The following BACH2 variants were observed in gnomAD, a reference collection of about 807,000 sequenced individuals.
The protein encoded by BACH2 is transcription regulator protein BACH2.
A neutral mutation model predicts 61.8 loss-of-function variants in BACH2; 5 were observed. That is an observed-to-expected ratio of 0.08 (90% CI 0.04 to 0.17). The LOEUF is 0.17. BACH2 is among the 10% of genes least tolerant of loss of function. The probability of loss-of-function intolerance (pLI) is 1.00; values close to 1 mark genes in which losing one functional copy is unlikely to be tolerated. For missense variants in BACH2, 824 were observed against 1,091.1 expected (o/e 0.76, Z 3.45); for synonymous variants, 446 against 440.1 (o/e 1.01, Z -0.17).
chr6:90,183,403 T>C (rs1319487889), intron 4 of BACH2, among the ~76,000 whole-genome samples: 1 of 152,244 alleles, frequency 6.6e-6, no homozygotes, highest in African/African-American at 2.4e-5. Context: ...TGTAGGTTCC[T>C]GCTGTGAGAA....
intron 4 of BACH2, among the ~76,000 whole-genome samples, chr6:90,139,063 C>T (rs897812835): frequency 1.3e-5 from 2 of 152,018 alleles, no homozygotes; most frequent in Non-Finnish European, 2.9e-5. Flanking sequence ...ACAGGATATG[C>T]CTACTTGACT....
chr6:90,186,499 C>T (rs1429891350), intron 4 of BACH2, among the ~76,000 whole-genome samples: 2 of 152,112 alleles, frequency 1.3e-5, no homozygotes, highest in Non-Finnish European at 2.9e-5. Flanking sequence ...TTACAAATGA[C>T]TGTCAGTGTG....
At chr6:90,228,682 T>G (rs1391469902) in intron 3 of BACH2, among the ~76,000 whole-genome samples, 2 of 152,110 alleles carry the variant, frequency 1.3e-5, no homozygotes, top group African/African-American at 4.8e-5. Context: ...GAGGGGGCAG[T>G]GAGCCGAGAT....
At chr6:89,952,358 G>A (rs1774178783) in intron 6 of BACH2, among the ~76,000 whole-genome samples, 1 of 152,062 alleles carries the variant, frequency 6.6e-6, no homozygotes, top group Non-Finnish European at 1.5e-5. Context: ...TGTAAAAATA[G>A]GTTTTCCTCA....
At chr6:89,970,046 A>C (rs1434784021) in intron 6 of BACH2, among the ~76,000 whole-genome samples, 1 of 152,234 alleles carries the variant, frequency 6.6e-6, no homozygotes, top group Admixed American at 6.5e-5. Context: ...GTTAGCAAAG[A>C]AGGCATTTCA....
Position 89,951,487 on chromosome 6 carries a change from G to A in BACH2, c.619C>T (p.Leu207=), listed in dbSNP as rs1254553104. 3 of 1,614,230 alleles carry A rather than the reference G, an allele frequency of 1.9e-6. No homozygotes were observed. Among genetic ancestry groups the A allele is most frequent in the Non-Finnish European group, 1.7e-6 (2 of 1,180,036 alleles). The change falls in exon 7 of 9, where the codon CTG becomes TTG. Residue 207 remains leucine (L), a synonymous_variant. Coordinates refer to ENST00000257749, the MANE Select transcript of BACH2 (RefSeq NM_021813.4). This position sits in a 1 kb window ranked among gnomAD's most constrained non-coding sequence, Gnocchi z 6.4. ...IPVAEKEEAL[L]PEPDVPTDTK... ...TCTGTGGGCACGTCAGGCTCGGGCA[G>A]CAGGGCTTCTTCCTTCTCTGCTACG...
intron 6 of BACH2, among the ~76,000 whole-genome samples, chr6:89,984,164 G>A (rs756273265): frequency 6.6e-6 from 1 of 152,086 alleles, no homozygotes; most frequent in Non-Finnish European, 1.5e-5. Flanking sequence ...AACAGAAAGC[G>A]GGGTTATTAA....
chr6:90,127,550 C>A (rs571068810), intron 4 of BACH2, among the ~76,000 whole-genome samples: 2 of 152,298 alleles, frequency 1.3e-5, no homozygotes, highest in African/African-American at 4.8e-5. Flanking sequence ...AAAACAATAA[C>A]CCTGCACTTA....
intron 4 of BACH2, among the ~76,000 whole-genome samples, chr6:90,193,300 AAG>A (rs1359076907): frequency 6.6e-6 from 1 of 152,218 alleles, no homozygotes; most frequent in Non-Finnish European, 1.5e-5. Context: ...GTCATACTGG[AAG>A]AGAGTGTGCC....
chr6:89,956,045 A>C (rs1774408184), intron 6 of BACH2, among the ~76,000 whole-genome samples: 1 of 152,344 alleles, frequency 6.6e-6, no homozygotes, highest in African/African-American at 2.4e-5. Context: ...AAGCAGACCC[A>C]TCTAGACTAA....
chr6:90,032,971 T>C (rs1474636279), intron 5 of BACH2, among the ~76,000 whole-genome samples: 1 of 152,078 alleles, frequency 6.6e-6, no homozygotes, highest in Non-Finnish European at 1.5e-5. Context: ...TGTCCAACAA[T>C]GATAGACTGG....
chr6:90,050,640 T>G lies in BACH2; in HGVS notation c.-13+38321A>C, dbSNP rs372598704. Among the ~76,000 whole-genome samples, 8 of 152,310 alleles carry G rather than the reference T, an allele frequency of 5.3e-5. No individual in the cohort carries two copies. In the East Asian group the frequency reaches 1.3e-3, roughly 26 times the overall value. ...TTTTTTCATAAAGATATGTTATTCA[T>G]GTTAACATGTAGTGAGCTTATTACT... On this transcript the variant is annotated intron_variant, in intron 5 of 8. Coordinates refer to ENST00000257749, the MANE Select transcript of BACH2 (RefSeq NM_021813.4).
chr6:89,934,047 C>T (rs1242959117), intron 8 of BACH2, among the ~76,000 whole-genome samples: 3 of 152,056 alleles, frequency 2.0e-5, no homozygotes, highest in African/African-American at 4.8e-5. Context: ...AATTTCCTGT[C>T]GTTGCCTAAC....
At chr6:89,997,880 A>G (rs147717816) in intron 6 of BACH2, among the ~76,000 whole-genome samples, 1 of 152,216 alleles carries the variant, frequency 6.6e-6, no homozygotes, top group African/African-American at 2.4e-5. Context: ...TGTTAATGCC[A>G]CCTCCAGGAA....
intron 5 of BACH2, among the ~76,000 whole-genome samples, chr6:90,011,974 G>GTGTGTGTGTA (rs1422867546): frequency 1.3e-3 from 191 of 147,850 alleles, no homozygotes; most frequent in African/African-American, 4.7e-3. Context: ...GTGTGTGTGT[G>GTGTGTGTGTA]TATGAGTGAT....
intron 2 of BACH2, among the ~76,000 whole-genome samples, chr6:90,270,924 ATACT>A (rs142387396): frequency 0.021 from 3,157 of 152,268 alleles, 115 homozygotes; most frequent in African/African-American, 0.071. Flanking sequence ...ATAAAGCCAA[ATACT>A]TACAGCCAAC....
intron 6 of BACH2, among the ~76,000 whole-genome samples, chr6:89,958,757 G>T (rs1450092760): frequency 6.6e-6 from 1 of 152,086 alleles, no homozygotes; most frequent in Non-Finnish European, 1.5e-5. Context: ...AGTGTTGAGG[G>T]CTGAGTTGAA....
At chr6:90,205,508 G>A (rs56259175) in intron 4 of BACH2, among the ~76,000 whole-genome samples, 1,652 of 152,208 alleles carry the variant, frequency 0.011, 14 homozygotes, top group African/African-American at 0.03. Context: ...TGAAGGGAAG[G>A]GGATGCTACA....
At chr6:89,992,597 G>A (rs540175727) in intron 6 of BACH2, among the ~76,000 whole-genome samples, 5 of 152,294 alleles carry the variant, frequency 3.3e-5, no homozygotes, top group East Asian at 1.9e-4. Flanking sequence ...AGCTGAGATC[G>A]TGCCACTGCA....
Sources: allele counts gnomAD v4.1 joint callset (sites outside exome capture counted in the v4.1 genomes callset), GRCh38; gene constraint gnomAD v4.1.1; non-coding constraint Gnocchi (gnomAD v3.1); transcripts MANE v1.5; gene names NCBI Gene and HGNC (gene_info 2026-07-23, HGNC 2026-07-21).